The following COL28A1 variants were observed in gnomAD, a reference collection of about 807,000 sequenced individuals.
The protein encoded by COL28A1 is collagen alpha-1(XXVIII) chain.
A neutral mutation model predicts 150.2 loss-of-function variants in COL28A1; 161 were observed. That is an observed-to-expected ratio of 1.07 (90% CI 0.94 to 1.22). The LOEUF is 1.22. COL28A1 is among the 50% of genes most tolerant of loss of function. The probability of loss-of-function intolerance (pLI) is 0.00; values close to 1 mark genes in which losing one functional copy is unlikely to be tolerated. For missense variants in COL28A1, 1,617 were observed against 1,388.3 expected, an observed-to-expected ratio of 1.16 and a Z score of -2.62; for synonymous variants, 552 against 469.7, an observed-to-expected ratio of 1.18 and a Z score of -2.26.
In COL28A1 at chr7:7,480,218, T is replaced by C. The variant is rs560029668; in HGVS notation, c.1165-3038A>G. 4.0e-3 allele frequency among the ~76,000 whole-genome samples: 603 copies of C among 152,378 alleles called. 3 individuals carry two copies. Among genetic ancestry groups the C allele is most frequent in the Non-Finnish European group, 7.2e-3 (489 of 68,030 alleles). On this transcript the variant is annotated intron_variant, in intron 13 of 34. Coordinates refer to ENST00000399429, the MANE Select transcript of COL28A1 (RefSeq NM_001037763.3). ...TAAGAAAAAGATCTGTTTTTCAGTG[T>C]TTAATTTTTTTGTCTTTCCCTAATG...
chr7:7,522,423 A>G (rs530913372), intron 4 of COL28A1, among the ~76,000 whole-genome samples: 1 of 152,268 alleles, frequency 6.6e-6, no homozygotes, highest in South Asian at 2.1e-4. Context: ...GACTTATAGC[A>G]TATTTTACTA....
At chr7:7,443,986 G>GTTTTTTTTTTTTT (rs71010980) in intron 19 of COL28A1, among the ~76,000 whole-genome samples, 7 of 95,542 alleles carry the variant, frequency 7.3e-5, no homozygotes, top group East Asian at 3.3e-4. Context: ...TCCATCTGCT[G>GTTTTTTTTTTTTT]TTTTTTTTTT....
At chr7:7,400,978 GTGTGTGTGTGTGTGTGTGT>G (rs1783154071) in intron 27 of COL28A1, among the ~76,000 whole-genome samples, 2 of 81,212 alleles carry the variant, frequency 2.5e-5, no homozygotes, top group Admixed American at 1.2e-4. Flanking sequence ...GTATTTGGGT[GTGTGTGTGTGTGTGTGTGT>G]GTGTGTGTGT....
the COL28A1 span, among the ~76,000 whole-genome samples, chr7:7,344,367 G>A: frequency 6.6e-6 from 1 of 151,792 alleles, no homozygotes; most frequent in Non-Finnish European, 1.5e-5. Context: ...GTGTGCCAGG[G>A]TAATCCTCTA....
At chr7:7,525,052 A>C (rs1337503903) in intron 3 of COL28A1, among the ~76,000 whole-genome samples, 1 of 152,210 alleles carries the variant, frequency 6.6e-6, no homozygotes, top group Non-Finnish European at 1.5e-5. Flanking sequence ...CTTAGGGGAA[A>C]AACTAAGTGA....
chr7:7,414,372 C>T (rs1395448985), intron 27 of COL28A1, among the ~76,000 whole-genome samples: 1 of 152,226 alleles, frequency 6.6e-6, no homozygotes, highest in Non-Finnish European at 1.5e-5. Context: ...CAAACAGCCA[C>T]AGTCCCATAT....
intron 14 of COL28A1, among the ~76,000 whole-genome samples, chr7:7,476,637 A>C (rs1788910891): frequency 6.6e-6 from 1 of 152,222 alleles, no homozygotes; most frequent in African/African-American, 2.4e-5. Flanking sequence ...ATGACAGGAA[A>C]TTCTCAATGG....
chr7:7,471,040 A>G (rs1788369745), intron 15 of COL28A1, among the ~76,000 whole-genome samples: 1 of 144,234 alleles, frequency 6.9e-6, no homozygotes, highest in African/African-American at 2.6e-5. Flanking sequence ...GCAGCGCACC[A>G]GCATGGCACA....
chr7:7,382,965 C>T (rs1781950350), intron 27 of COL28A1, among the ~76,000 whole-genome samples: 1 of 152,166 alleles, frequency 6.6e-6, no homozygotes, highest in African/African-American at 2.4e-5. Flanking sequence ...CATCCCTAAG[C>T]CTCCTTTACC....
intron 9 of COL28A1, among the ~76,000 whole-genome samples, chr7:7,508,109 G>A (rs1301677856): frequency 2.6e-5 from 4 of 152,154 alleles, no homozygotes; most frequent in African/African-American, 7.2e-5. Context: ...GCGGGCACCT[G>A]TAGTCCCAGC....
intron 25 of COL28A1, among the ~76,000 whole-genome samples, chr7:7,422,596 G>A (rs962796016): frequency 3.3e-5 from 5 of 151,480 alleles, no homozygotes; most frequent in Admixed American, 1.3e-4. Context: ...GCCATTGCAC[G>A]CCAGCCTGGG....
rs757687489 is a variant in COL28A1 at position 7,456,070 on chromosome 7, G to T, written c.1345C>A (p.Pro449Thr). 8 of 1,613,622 alleles carry T rather than the reference G, an allele frequency of 5.0e-6. No homozygotes were observed. The East Asian group carries it at 1.6e-4, about 31-fold the overall frequency. The change falls in exon 16 of 35, where the codon CCT (proline) becomes ACT (threonine). Residue 449 changes from proline to threonine, a missense_variant. Pro to Thr is a conservative substitution (Grantham distance 38, BLOSUM62 -1). Coordinates refer to ENST00000399429, the MANE Select transcript of COL28A1 (RefSeq NM_001037763.3). ...PVGPQGPMGIPGIGSQGEQGI... is the reference protein window; with the variant it reads ...PVGPQGPMGITGIGSQGEQGI... ...TGTTCCCCTTGACTCCCGATTCCAGGGATACCCATTGGTCCTTGGGGTCCC... is the reference window on the plus strand; with the variant it reads ...TGTTCCCCTTGACTCCCGATTCCAGTGATACCCATTGGTCCTTGGGGTCCC...
chr7:7,533,846 G>T (rs1280589475), intron 1 of COL28A1, among the ~76,000 whole-genome samples: 2 of 152,128 alleles, frequency 1.3e-5, no homozygotes, highest in Non-Finnish European at 2.9e-5. Context: ...GAACGAGAAA[G>T]CTTATTTCGA....
chr7:7,443,690 C>T, intron 19 of COL28A1, 37 bp from the exon 20 acceptor site: 2 of 1,612,954 alleles, frequency 1.2e-6, no homozygotes, highest in Non-Finnish European at 1.7e-6. Flanking sequence ...GCTGACCCTC[C>T]AGTAGACAGA....
At chr7:7,443,504 C>A in intron 20 of COL28A1, 81 bp downstream of exon 20, 1 of 1,577,340 alleles carries the variant, frequency 6.3e-7, no homozygotes, top group Non-Finnish European at 8.6e-7. Flanking sequence ...GTAAGAATAA[C>A]AATCAAATTT....
chr7:7,380,435 TCA>T (rs969938794), intron 30 of COL28A1, among the ~76,000 whole-genome samples: 1 of 152,106 alleles, frequency 6.6e-6, no homozygotes, highest in Non-Finnish European at 1.5e-5. Context: ...AGTGGAGTAG[TCA>T]CACACACCCA....
Position 7,412,079 on chromosome 7 carries a change from A to G in COL28A1, c.2136+5780T>C, listed in dbSNP as rs138734846. 8.2e-3 allele frequency among the ~76,000 whole-genome samples: 1,245 copies of G among 152,218 alleles called. 9 individuals are homozygous for G. Among genetic ancestry groups the G allele is most frequent in the South Asian group, 0.025 (122 of 4,826 alleles). The stretch of plus-strand genomic sequence containing the variant: ...TTCCTTTTCCTCCTGGGCACACAGC[A>G]TGACTACCTTTCCAAGCCACTTTGC... On this transcript the variant is annotated intron_variant, in intron 27 of 34. Coordinates refer to ENST00000399429, the MANE Select transcript of COL28A1 (RefSeq NM_001037763.3).
chr7:7,534,252 C>T (rs1325714099), intron 1 of COL28A1, among the ~76,000 whole-genome samples: 2 of 152,090 alleles, frequency 1.3e-5, no homozygotes, highest in Non-Finnish European at 2.9e-5. Flanking sequence ...GCCAACTGAT[C>T]CTCAGACAAG....
At position 7,371,352 on chromosome 7, in the gene COL28A1, T is replaced by C. The variant is rs1013733479; in HGVS notation, c.2909-470A>G. 1.1e-4 allele frequency among the ~76,000 whole-genome samples: 17 copies of C among 152,348 alleles called. 1 individual carries two copies. The highest frequency in any genetic ancestry group is 7.2e-4 in the Admixed American group (11 of 15,298). On this transcript the variant is annotated intron_variant, in intron 32 of 34. Transcript: ENST00000399429. ...CTGACACATTCACAGCTGGGTGAGA[T>C]TGAATATATCAGATAAACAAACCCA...
Sources: allele counts gnomAD v4.1 joint callset (sites outside exome capture counted in the v4.1 genomes callset), GRCh38; gene constraint gnomAD v4.1.1; transcripts MANE v1.5; gene names NCBI Gene and HGNC (gene_info 2026-07-23, HGNC 2026-07-21).